NPRL3: variants seen among roughly 807,000 people sequenced by gnomAD.
NPRL3 encodes NPR3 like, GATOR1 complex subunit.
In NPRL3, 23 loss-of-function variants were observed where a neutral mutation model predicts 57.2. The observed-to-expected ratio is 0.40, with a 90% CI of 0.29 to 0.57. NPRL3 has a LOEUF of 0.57. Among genes scored for constraint, NPRL3 ranks in the 20% least tolerant of loss-of-function variants. The pLI, the probability that NPRL3 is intolerant of heterozygous loss-of-function variation, is 0.42. For missense variants in NPRL3, 691 were observed against 767.1 expected (o/e 0.90, Z 1.17); for synonymous variants, 333 against 321.1 (o/e 1.04, Z -0.39).
chr16:117,731 G>A (rs751664936), intron 4 of NPRL3, among the ~76,000 whole-genome samples: 6 of 152,204 alleles, frequency 3.9e-5, no homozygotes, highest in Non-Finnish European at 7.4e-5. Flanking sequence ...TAAGTATGAC[G>A]CATACTCAGA....
chr16:131,827 G>A (rs966254690), intron 2 of NPRL3, among the ~76,000 whole-genome samples: 1 of 152,050 alleles, frequency 6.6e-6, no homozygotes, highest in Non-Finnish European at 1.5e-5. Flanking sequence ...CGTACGGGAC[G>A]TTGACAGCAC....
At chr16:137,548 T>TAAA (rs900915298) in intron 2 of NPRL3, among the ~76,000 whole-genome samples, 1 of 149,376 alleles carries the variant, frequency 6.7e-6, no homozygotes, top group African/African-American at 2.5e-5. Flanking sequence ...GATGTTCACG[T>TAAA]AACTTTTTTT....
chr16:114,245 C>T (rs950753478), intron 5 of NPRL3, among the ~76,000 whole-genome samples: 5 of 152,316 alleles, frequency 3.3e-5, no homozygotes, highest in African/African-American at 7.2e-5. Flanking sequence ...TCCCCAGTGA[C>T]GCTCAGTGAC....
At chr16:90,243 T>A in intron 11 of NPRL3, 1 of 287,440 alleles carries the variant, frequency 3.5e-6, no homozygotes. Flanking sequence ...CCTGTGCTGC[T>A]GCAGCTGCCC....
rs762391387 is a variant in NPRL3, at chr16:86,811, G to A, written c.1604C>T (p.Thr535Met). The change falls in exon 14 of 14, where the codon ACG becomes ATG. Residue 535 changes from threonine (T) to methionine (M), a missense_variant. Thr to Met is a moderately conservative substitution (Grantham distance 81). Coordinates refer to ENST00000611875, the MANE Select transcript of NPRL3 (RefSeq NM_001077350.3). ...HLEEIMYNEN[T>M]RRSQLLMLFD... The stretch of plus-strand genomic sequence containing the variant: ...CAGCATGAGCAGCTGGGAGCGCCGC[G>A]TGTTCTCGTTGTACATAATCTCCTC... The A allele has an allele frequency of 2.0e-5, 33 of 1,612,872 alleles. No homozygotes were observed. Among genetic ancestry groups the A allele is most frequent in the Non-Finnish European group, 2.5e-5 (30 of 1,179,574 alleles).
At chr16:109,123 C>T (rs1415377817) in intron 7 of NPRL3, among the ~76,000 whole-genome samples, 1 of 152,074 alleles carries the variant, frequency 6.6e-6, no homozygotes, top group Admixed American at 6.6e-5. Flanking sequence ...TGTGCCACCA[C>T]ACTCAGATAT....
At chr16:111,283 C>G (rs1899799124) in intron 6 of NPRL3, among the ~76,000 whole-genome samples, 2 of 151,794 alleles carry the variant, frequency 1.3e-5, no homozygotes, top group Admixed American at 1.3e-4. Context: ...GCCTGTAGTC[C>G]CAGCTACTCG....
At chr16:98,880 G>A (rs1899145984) in intron 8 of NPRL3, among the ~76,000 whole-genome samples, 1 of 152,176 alleles carries the variant, frequency 6.6e-6, no homozygotes, top group Non-Finnish European at 1.5e-5. Context: ...GGAGCTTGCA[G>A]TGAGCCGAGA....
intron 9 of NPRL3, among the ~76,000 whole-genome samples, chr16:96,095 G>A (rs760995801): frequency 1.1e-4 from 16 of 152,198 alleles, no homozygotes; most frequent in Admixed American, 2.0e-4. Flanking sequence ...TCAAGGCCAC[G>A]GCAGGGAAGT....
At position 126,490 on chromosome 16, in the gene NPRL3, T is replaced by C. The variant is rs145794959; in HGVS notation, c.188+4032A>G. Among the ~76,000 whole-genome samples, 202 of 151,648 alleles carry C rather than the reference T, an allele frequency of 1.3e-3. 1 individual carries two copies. In the East Asian group the frequency reaches 0.034, roughly 26 times the overall value. ...ATATGATTTCAGAGCATTTTGAAAA[T>C]GAAAGAAATCAGTTCTTCTCTAAAC... On this transcript the variant is annotated intron_variant, in intron 3 of 13. Coordinates refer to ENST00000611875, the MANE Select transcript of NPRL3 (RefSeq NM_001077350.3).
intron 7 of NPRL3, among the ~76,000 whole-genome samples, chr16:102,735 G>A (rs1050255683): frequency 1.3e-5 from 2 of 152,146 alleles, no homozygotes; most frequent in South Asian, 4.1e-4. Context: ...AGGTACAAAC[G>A]GCCCCTCGGA....
intron 12 of NPRL3, chr16:89,165 C>A: frequency 4.4e-6 from 2 of 459,512 alleles, no homozygotes; most frequent in Non-Finnish European, 7.9e-6. Flanking sequence ...CCAAGGTGGG[C>A]CTGGGCATCC....
At position 86,005 on chromosome 16, in the gene NPRL3, G is replaced by C. The variant is rs1596491060; in HGVS notation, c.*700C>G. Reference sequence around the variant, plus strand: ...GGGAGCCGAAAGCCCCCGAGGGTGGGGTCCTGCACAGTGGGCCATGCCTCC... The same window carrying C: ...GGGAGCCGAAAGCCCCCGAGGGTGGCGTCCTGCACAGTGGGCCATGCCTCC... On this transcript the variant is annotated 3_prime_UTR_variant, in exon 14 of 14. Transcript: ENST00000611875. The C allele has an allele frequency of 2.2e-6, 1 of 452,546 alleles. No individual in the cohort carries two copies. Among genetic ancestry groups the C allele is most frequent in the Non-Finnish European group, 3.7e-6 (1 of 273,112 alleles). 28.0% of individuals were successfully genotyped at this position (452,546 alleles called of 1,614,324 possible).
intron 4 of NPRL3, 65 bp from the exon 5 acceptor site, chr16:117,440 T>C: frequency 8.5e-7 from 1 of 1,178,894 alleles, no homozygotes; most frequent in Non-Finnish European, 1.2e-6. Flanking sequence ...TTAGAGCTAT[T>C]CTACTTCAGG....
In NPRL3 at chr16:85,439, C is replaced by A; in HGVS notation, c.*1266G>T. 1 of 1,612,018 alleles carries A rather than the reference C, an allele frequency of 6.2e-7. No individual in the cohort carries two copies. Among genetic ancestry groups the A allele is most frequent in the Non-Finnish European group, 8.5e-7 (1 of 1,179,406 alleles). On this transcript the variant is annotated 3_prime_UTR_variant, in exon 14 of 14. Transcript: ENST00000611875. ...CGTCTTGCTGCGAGCACTGGAGCCC[C>A]TGGAAGGTCTGGAGACCATGCGTCA...
intron 6 of NPRL3, among the ~76,000 whole-genome samples, chr16:112,213 T>C (rs1020212725): frequency 3.9e-5 from 6 of 152,186 alleles, no homozygotes; most frequent in Admixed American, 1.3e-4. Context: ...CATGCAGCAG[T>C]GTGTGGGAAG....
At chr16:94,439 A>C (rs886409296) in intron 9 of NPRL3, among the ~76,000 whole-genome samples, 3 of 152,144 alleles carry the variant, frequency 2.0e-5, no homozygotes. Flanking sequence ...GAGGACACTT[A>C]TACCTCAGCT....
chr16:138,356 G>T (rs1287592323), intron 1 of NPRL3, 22 bp from the exon 2 acceptor site: 2 of 649,174 alleles, frequency 3.1e-6, no homozygotes, highest in Admixed American at 5.4e-5. Context: ...GGAGCCGGAG[G>T]CGGAGGGGGC....
At chr16:93,472 C>G in intron 9 of NPRL3, 147 bp from the exon 10 acceptor site, 3 of 635,564 alleles carry the variant, frequency 4.7e-6, no homozygotes, top group Non-Finnish European at 8.5e-6. Context: ...GGCTATGGCC[C>G]GAGACTTCCT....
Sources: allele counts gnomAD v4.1 joint callset (sites outside exome capture counted in the v4.1 genomes callset), GRCh38; gene constraint gnomAD v4.1.1; transcripts MANE v1.5; gene names NCBI Gene and HGNC (gene_info 2026-07-23, HGNC 2026-07-21).